The following ZNF280C variants were observed in gnomAD, a reference collection of about 807,000 sequenced individuals.
ZNF280C encodes zinc finger protein 280C.
Under a neutral mutation model 53.6 loss-of-function variants are expected in ZNF280C, and 14 were observed. That is an observed-to-expected ratio of 0.26 (90% confidence interval 0.17 to 0.41). The LOEUF is 0.41. ZNF280C is among the 10% of genes least tolerant of loss of function. The pLI is 1.00. For synonymous variants in ZNF280C, 203 were observed against 181.1 expected (o/e 1.12, Z -0.97); for missense variants, 416 against 547.1 (o/e 0.76, Z 2.39).
chrX:130,262,967 G>C (rs1480955777), intron 1 of ZNF280C, among the ~76,000 whole-genome samples: 2 of 112,502 alleles, frequency 1.8e-5, no homozygotes, highest in Non-Finnish European at 3.8e-5. Context: ...ATGGTAAATA[G>C]TATATGTATT....
intron 1 of ZNF280C, among the ~76,000 whole-genome samples, chrX:130,266,054 A>G (rs2032684917): frequency 8.9e-6 from 1 of 112,593 alleles, no homozygotes; most frequent in African/African-American, 3.2e-5. Flanking sequence ...CATATTAGAA[A>G]TTGAAACTGA....
At chrX:130,215,451 A>G in intron 14 of ZNF280C, 118 bp from the exon 15 acceptor site, 1 of 730,333 alleles carries the variant, frequency 1.4e-6, no homozygotes, top group East Asian at 3.7e-5. Context: ...CTTTAAGTAG[A>G]CTCATAATTT....
intron 10 of ZNF280C, among the ~76,000 whole-genome samples, chrX:130,228,760 C>A (rs898064484): frequency 1.8e-4 from 20 of 108,109 alleles, no homozygotes; most frequent in Non-Finnish European, 3.2e-4. Flanking sequence ...CCTGCCTCAG[C>A]CTCCTCAGTA....
At chrX:130,255,113 T>C (rs2032553214) in intron 2 of ZNF280C, among the ~76,000 whole-genome samples, 1 of 108,379 alleles carries the variant, frequency 9.2e-6, no homozygotes, top group Admixed American at 9.9e-5. Context: ...AAAACAAGAT[T>C]GGTAGAAAAA....
At position 130,233,527 on chromosome X, in the gene ZNF280C, A is replaced by G. The variant is rs768403497; in HGVS notation, c.771+2687T>C. On this transcript the variant is annotated intron_variant, in intron 8 of 18. Transcript: ENST00000370978. ...GTTACTCAGAAAGCTGAGGCAGGAG[A>G]ATTGCTTGAACCCGGGAGGTGGAGG... 3.7e-5 allele frequency among the ~76,000 whole-genome samples: 4 copies of G among 107,755 alleles called. No homozygotes were observed. The East Asian group carries it at 1.2e-3, about 31-fold the overall frequency. The allele number at this position is 107,755 out of a possible 115,157, so 93.6% of individuals were successfully genotyped here. A position where few individuals can be genotyped will look rare whatever the true frequency, so the allele number is the denominator to read the frequency against.
rs1362130439 is a variant in ZNF280C at position 130,243,553 on chromosome X, A to G, written c.381+10T>C. 8.4e-7 allele frequency: 1 copy of G among 1,195,823 alleles called. No individual in the cohort carries two copies. The highest frequency in any genetic ancestry group is 1.8e-5 in the African/African-American group (1 of 56,526). ...CCCTGAATTAATTGTGTAATTTTAT[A>G]AACACTTACAGGTTTAGACGCATTC... On this transcript the variant is annotated intron_variant, in intron 5 of 18. Coordinates refer to ENST00000370978, the MANE Select transcript of ZNF280C (RefSeq NM_017666.5).
At chrX:130,213,782 A>G (rs962721755) in intron 15 of ZNF280C, among the ~76,000 whole-genome samples, 1 of 111,920 alleles carries the variant, frequency 8.9e-6, no homozygotes, top group East Asian at 2.8e-4. Flanking sequence ...TGCTAGCACT[A>G]AAGAAGTAAA....
At chrX:130,227,812 T>C in intron 10 of ZNF280C, 30 bp from the exon 11 acceptor site, 1 of 796,849 alleles carries the variant, frequency 1.3e-6, no homozygotes, top group Non-Finnish European at 1.9e-6. Flanking sequence ...CATTATACCA[T>C]TTAAGGATGT....
At chrX:130,259,086 CCT>C (rs1167694612) in intron 2 of ZNF280C, among the ~76,000 whole-genome samples, 1 of 111,991 alleles carries the variant, frequency 8.9e-6, no homozygotes, top group Non-Finnish European at 1.9e-5. Flanking sequence ...TTTTCTTTAA[CCT>C]CTTACTGCAC....
At chrX:130,227,560 T>C in intron 11 of ZNF280C, 122 bp downstream of exon 11, 1 of 556,784 alleles carries the variant, frequency 1.8e-6, no homozygotes, top group Non-Finnish European at 3.0e-6. Flanking sequence ...GAAGAGGGTC[T>C]TCAATTTTAG....
intron 9 of ZNF280C, among the ~76,000 whole-genome samples, chrX:130,230,173 G>A (rs2032262538): frequency 9.0e-6 from 1 of 111,722 alleles, no homozygotes; most frequent in Non-Finnish European, 1.9e-5. Flanking sequence ...GTGACATGAA[G>A]AAAAGTAAGA....
intron 2 of ZNF280C, among the ~76,000 whole-genome samples, chrX:130,248,960 C>T (rs1825816513): frequency 9.0e-6 from 1 of 111,693 alleles, no homozygotes; most frequent in Admixed American, 9.4e-5. Context: ...GCACTCCGCC[C>T]ACCCTCCTCT....
rs1414465636 is a variant in ZNF280C, at chrX:130,203,242, G to A, written c.*1735C>T. 1 of 111,481 alleles carries A rather than the reference G, an allele frequency of 9.0e-6. No individual in the cohort carries two copies. The highest frequency in any genetic ancestry group is 3.3e-5 in the African/African-American group (1 of 30,715). The allele number at this position is 111,481 out of a possible 1,213,427, so 9.2% of individuals were successfully genotyped here. ...AGAGTTCAAAAGTAGACATAAAATG[G>A]ACATCAGCAAATTTCATGAATCTGG... On this transcript the variant is annotated 3_prime_UTR_variant, in exon 19 of 19. Coordinates refer to ENST00000370978, the MANE Select transcript of ZNF280C (RefSeq NM_017666.5).
At chrX:130,259,153 A>G (rs1357434640) in intron 2 of ZNF280C, among the ~76,000 whole-genome samples, 1 of 112,061 alleles carries the variant, frequency 8.9e-6, no homozygotes, top group African/African-American at 3.2e-5. Context: ...CAAACTGCCT[A>G]TTTCTTAGTG....
intron 9 of ZNF280C, among the ~76,000 whole-genome samples, chrX:130,229,929 G>A (rs972152199): frequency 9.3e-4 from 104 of 112,141 alleles, no homozygotes; most frequent in African/African-American, 3.3e-3. Context: ...TTAAGACTGG[G>A]TCAACTACTT....
rs368799112 is a variant in ZNF280C, at chrX:130,236,664, A to G, written c.494-25T>C. 24 of 1,052,010 alleles carry G rather than the reference A, an allele frequency of 2.3e-5. No individual in the cohort carries two copies. In the African/African-American group the frequency reaches 4.3e-4, roughly 19 times the overall value. 86.7% of individuals were successfully genotyped at this position (1,052,010 alleles called of 1,213,427 possible). A position where few individuals can be genotyped will look rare whatever the true frequency, so the allele number is the denominator to read the frequency against. On this transcript the variant is annotated intron_variant, in intron 6 of 18. Coordinates refer to ENST00000370978, the MANE Select transcript of ZNF280C (RefSeq NM_017666.5). ...CCTACAAAGATTTAAATAGTGAGAA[A>G]GATATTTGTAAATATTTCAGTATGG...
Position 130,203,882 on chromosome X carries a change from C to T in ZNF280C, c.*1095G>A, listed in dbSNP as rs1463231944. Reference sequence around the variant, plus strand: ...CTAGAGGAAGATTAAAGAACAGCAGCCAAAATGGCTAAACGTCAGCCTGGA... The same window carrying T: ...CTAGAGGAAGATTAAAGAACAGCAGTCAAAATGGCTAAACGTCAGCCTGGA... On this transcript the variant is annotated 3_prime_UTR_variant, in exon 19 of 19. Transcript: ENST00000370978. 9.1e-6 allele frequency: 1 copy of T among 110,152 alleles called. No individual in the cohort carries two copies. The highest frequency in any genetic ancestry group is 1.9e-5 in the Non-Finnish European group (1 of 52,858). 9.1% of individuals were successfully genotyped at this position (110,152 alleles called of 1,213,427 possible).
chrX:130,232,008 C>A (rs186251337), intron 8 of ZNF280C, among the ~76,000 whole-genome samples: 16 of 101,393 alleles, frequency 1.6e-4, no homozygotes, highest in Non-Finnish European at 3.2e-4. Flanking sequence ...GCCCGGGTGA[C>A]AGAGCAAGAC....
chrX:130,255,627 C>T (rs1326324836), intron 2 of ZNF280C, among the ~76,000 whole-genome samples: 1 of 111,879 alleles, frequency 8.9e-6, no homozygotes, highest in Non-Finnish European at 1.9e-5. Context: ...ATAAAAACTA[C>T]ACTAGCGGGA....
Sources: gnomAD v4.1 joint callset for allele counts (sites outside exome capture counted in the v4.1 genomes callset) on GRCh38, gnomAD v4.1.1 for gene constraint, MANE v1.5 for transcripts, NCBI Gene and HGNC (gene_info 2026-07-23, HGNC 2026-07-21) for gene names.